The following GSK3B variants were observed in gnomAD, a reference collection of about 807,000 sequenced individuals.
The protein encoded by GSK3B is glycogen synthase kinase 3 beta.
Under a neutral mutation model 56.4 loss-of-function variants are expected in GSK3B, and 15 were observed. The observed-to-expected ratio is 0.27, with a 90% confidence interval of 0.18 to 0.41. The LOEUF is 0.41. Ranked by LOEUF, GSK3B falls within the 10% of genes least tolerant of loss-of-function variation. GSK3B has a pLI of 1.00. For missense variants in GSK3B, 300 were observed against 513.4 expected (o/e 0.58, Z 4.02); for synonymous variants, 181 against 188.9 (o/e 0.96, Z 0.34).
intron 1 of GSK3B, chr3:120,084,688 T>C (rs1184189298): frequency 6.6e-6 from 1 of 152,166 alleles, no homozygotes; most frequent in Non-Finnish European, 1.5e-5. Flanking sequence ...AGTTAAAAAA[T>C]TATCCTGTCT....
intron 3 of GSK3B, among the ~76,000 whole-genome samples, chr3:119,936,354 A>ATATTT (rs571582966): frequency 4.9e-4 from 61 of 125,760 alleles, no homozygotes; most frequent in African/African-American, 1.6e-3. Context: ...ATATATATAT[A>ATATTT]TTTTTTTTTT....
intron 7 of GSK3B, among the ~76,000 whole-genome samples, chr3:119,894,649 C>T (rs112313222): frequency 0.012 from 1,843 of 152,188 alleles, 32 homozygotes; most frequent in African/African-American, 0.042. Context: ...ACTGTAGATA[C>T]AAATCCCTTA....
chr3:120,036,163 T>C (rs1368232471), intron 1 of GSK3B, among the ~76,000 whole-genome samples: 2 of 152,216 alleles, frequency 1.3e-5, no homozygotes, highest in African/African-American at 4.8e-5. Flanking sequence ...TTTATTAGTT[T>C]TATCATGAAT....
chr3:119,887,788 G>A (rs561238851), intron 7 of GSK3B, among the ~76,000 whole-genome samples: 44 of 152,024 alleles, frequency 2.9e-4, no homozygotes, highest in Non-Finnish European at 5.7e-4. Flanking sequence ...CAAATACAAA[G>A]AATACTATAA....
At chr3:119,976,033 C>T (rs928808125) in intron 2 of GSK3B, among the ~76,000 whole-genome samples, 3 of 152,074 alleles carry the variant, frequency 2.0e-5, no homozygotes, top group Non-Finnish European at 2.9e-5. Context: ...TTCACACCCA[C>T]GAGGATGGGT....
intron 1 of GSK3B, among the ~76,000 whole-genome samples, chr3:120,058,961 G>A (rs2107550384): frequency 6.8e-6 from 1 of 147,968 alleles, no homozygotes; most frequent in East Asian, 2.0e-4. Context: ...AGTGAGTCAA[G>A]ATCACGCCAT....
At chr3:119,865,466 ATTTTTTTTTT>A (rs779477802) in intron 8 of GSK3B, among the ~76,000 whole-genome samples, 2 of 34,106 alleles carry the variant, frequency 5.9e-5, no homozygotes, top group South Asian at 1.4e-3. Flanking sequence ...ATATATATAT[ATTTTTTTTTT>A]TTTTTTTTTT....
chr3:119,949,688 G>T (rs1477987596), intron 2 of GSK3B, among the ~76,000 whole-genome samples: 1 of 147,948 alleles, frequency 6.8e-6, no homozygotes, highest in South Asian at 2.1e-4. Flanking sequence ...GATACAATCA[G>T]ATTTACCTTT....
At chr3:119,988,305 ATTAACAGCTT>A (rs1223261209) in intron 2 of GSK3B, among the ~76,000 whole-genome samples, 1 of 152,222 alleles carries the variant, frequency 6.6e-6, no homozygotes, top group African/African-American at 2.4e-5. Flanking sequence ...CTTTTGAGCT[ATTAACAGCTT>A]TTAACAATTT....
At chr3:119,886,701 A>T (rs2056440505) in intron 7 of GSK3B, among the ~76,000 whole-genome samples, 1 of 152,142 alleles carries the variant, frequency 6.6e-6, no homozygotes. Context: ...CATAAAAAAA[A>T]TTACGTCCTT....
intron 3 of GSK3B, among the ~76,000 whole-genome samples, chr3:119,931,734 A>C (rs968971803): frequency 6.6e-6 from 1 of 152,230 alleles, no homozygotes; most frequent in Non-Finnish European, 1.5e-5. Context: ...CTAACCTCAA[A>C]TAACTGATAC....
intron 1 of GSK3B, among the ~76,000 whole-genome samples, chr3:120,026,512 TACACACACACACACACACAC>T (rs61580328): frequency 1.5e-5 from 2 of 130,444 alleles, no homozygotes; most frequent in African/African-American, 5.7e-5. Flanking sequence ...TACCGCCAAA[TACACACACACACACACACAC>T]ACACACACAC....
intron 7 of GSK3B, among the ~76,000 whole-genome samples, chr3:119,887,577 C>T (rs2056452058): frequency 6.6e-6 from 1 of 151,834 alleles, no homozygotes; most frequent in Admixed American, 6.6e-5. Context: ...AAAAAAATAG[C>T]AATAGAAACT....
intron 3 of GSK3B, among the ~76,000 whole-genome samples, chr3:119,945,389 G>A (rs1010906206): frequency 2.0e-5 from 3 of 152,040 alleles, no homozygotes; most frequent in African/African-American, 7.2e-5. Context: ...TATAATAGAG[G>A]TTAATCTCTG....
chr3:120,012,509 C>T (rs1576270565), intron 1 of GSK3B, among the ~76,000 whole-genome samples: 1 of 152,328 alleles, frequency 6.6e-6, no homozygotes, highest in Non-Finnish European at 1.5e-5. Flanking sequence ...GAGGACTTCA[C>T]TCACATTGTA....
At chr3:120,001,304 G>A (rs1450888098) in intron 2 of GSK3B, among the ~76,000 whole-genome samples, 2 of 152,088 alleles carry the variant, frequency 1.3e-5, no homozygotes, top group African/African-American at 4.8e-5. Context: ...GGCTGAGACA[G>A]GCGACTTGCC....
At chr3:120,056,005 A>G (rs2058188543) in intron 1 of GSK3B, among the ~76,000 whole-genome samples, 1 of 152,290 alleles carries the variant, frequency 6.6e-6, no homozygotes. Flanking sequence ...TGCCTTTTTA[A>G]TTCTCATTCT....
At chr3:119,872,949 C>T (rs146151477) in intron 8 of GSK3B, among the ~76,000 whole-genome samples, 2,137 of 152,228 alleles carry the variant, frequency 0.014, 52 homozygotes, top group Admixed American at 0.035. Flanking sequence ...ATCTCTGTCT[C>T]TGCTTAATTC....
intron 3 of GSK3B, among the ~76,000 whole-genome samples, chr3:119,945,124 C>G (rs2057087537): frequency 6.6e-6 from 1 of 152,180 alleles, no homozygotes; most frequent in African/African-American, 2.4e-5. Context: ...AAGAAATTCT[C>G]TCTTTGGTGG....
Sources: gnomAD v4.1 joint callset for allele counts (sites outside exome capture counted in the v4.1 genomes callset) on GRCh38, gnomAD v4.1.1 for gene constraint, MANE v1.5 for transcripts, NCBI Gene and HGNC (gene_info 2026-07-23, HGNC 2026-07-21) for gene names.